Variants in NCAM2 observed in about 807,000 individuals in gnomAD.
The protein encoded by NCAM2 is neural cell adhesion molecule 2, also known as N-CAM-2.
NCAM2 carries 30 observed loss-of-function variants against 98.1 expected under a neutral mutation model. The ratio of observed to expected loss-of-function variants is 0.31; its 90% CI spans 0.23 to 0.41. NCAM2 has a LOEUF of 0.41. Among genes scored for constraint, NCAM2 ranks in the 10% least tolerant of loss-of-function variants. NCAM2 has a pLI of 1.00. For missense variants in NCAM2, 867 were observed against 1,005.8 expected (o/e 0.86, Z 1.87); for synonymous variants, 368 against 342.4 (o/e 1.07, Z -0.83).
intron 1 of NCAM2, among the ~76,000 whole-genome samples, chr21:21,184,122 A>G (rs574857189): frequency 6.6e-6 from 1 of 152,020 alleles, no homozygotes; most frequent in African/African-American, 2.4e-5. Context: ...GAATTTTACT[A>G]TTATTGTACA....
At chr21:21,011,458 ACCCAG>A (rs1377911234) in intron 1 of NCAM2, among the ~76,000 whole-genome samples, 1 of 151,800 alleles carries the variant, frequency 6.6e-6, no homozygotes, top group Non-Finnish European at 1.5e-5. Flanking sequence ...CCCGCCTCCC[ACCCAG>A]CTGTATAATA....
At chr21:21,192,403 ATAGAG>A (rs1173379495) in intron 1 of NCAM2, among the ~76,000 whole-genome samples, 1 of 152,140 alleles carries the variant, frequency 6.6e-6, no homozygotes, top group Non-Finnish European at 1.5e-5. Flanking sequence ...AGTAGAGTAA[ATAGAG>A]TAGATAAATA....
intron 1 of NCAM2, among the ~76,000 whole-genome samples, chr21:21,140,242 G>A (rs985397): frequency 0.42 from 64,512 of 151,990 alleles, 14,234 homozygotes; most frequent in African/African-American, 0.55. Context: ...TGAAAAATAA[G>A]TGACACTGGA....
At chr21:21,220,090 G>T (rs1255567080) in intron 1 of NCAM2, among the ~76,000 whole-genome samples, 2 of 151,942 alleles carry the variant, frequency 1.3e-5, no homozygotes, top group Non-Finnish European at 1.5e-5. Context: ...AGTAAAAAAA[G>T]TTGCAGTAAG....
Position 21,508,851 on chromosome 21 carries a change from A to G in NCAM2, c.2078A>G (p.Asp693Gly). ...TTTTTTTTTTTTTTTACTTTTTAAGACACGCTGTTTAATGGTCTTGGGCTT... is the reference window on the plus strand; with the variant it reads ...TTTTTTTTTTTTTTTACTTTTTAAGGCACGCTGTTTAATGGTCTTGGGCTT... ...SMPPKPNIIK[D>G]TLFNGLGLGA... is the part of the protein sequence containing the mutation. The change falls in exon 16 of 18, where the codon GAC (aspartate) becomes GGC (glycine). Residue 693 changes from aspartate to glycine, a missense_variant and splice_region_variant. Coordinates refer to ENST00000400546, the MANE Select transcript of NCAM2 (RefSeq NM_004540.5). 2 of 922,074 alleles carry G rather than the reference A, an allele frequency of 2.2e-6. No homozygotes were observed. The highest frequency in any genetic ancestry group is 1.4e-6 in the Non-Finnish European group (1 of 698,096). 57.1% of individuals were successfully genotyped at this position (922,074 alleles called of 1,614,324 possible). A position where few individuals can be genotyped will look rare whatever the true frequency, so the allele number is the denominator to read the frequency against.
intron 5 of NCAM2, among the ~76,000 whole-genome samples, chr21:21,323,707 G>A (rs1419480168): frequency 6.6e-6 from 1 of 152,150 alleles, no homozygotes; most frequent in Admixed American, 6.6e-5. Flanking sequence ...TAATTAGTTA[G>A]AAATTGGAGA....
Position 21,384,205 on chromosome 21 carries a change from T to A in NCAM2, c.1195+10192T>A, listed in dbSNP as rs529650694. Among the ~76,000 whole-genome samples the A allele has an allele frequency of 4.1e-4, 63 of 152,172 alleles. 1 individual carries two copies. Among genetic ancestry groups the A allele is most frequent in the Admixed American group, 3.6e-3 (55 of 15,284 alleles). On this transcript the variant is annotated intron_variant, in intron 9 of 17. Coordinates refer to ENST00000400546, the MANE Select transcript of NCAM2 (RefSeq NM_004540.5). ...CTACTCATATAGAATGAATTTCACA[T>A]AAAGCAAAAGAAAATCTTTAAGATC...
intron 1 of NCAM2, among the ~76,000 whole-genome samples, chr21:21,212,419 G>C (rs1452512110): frequency 1.3e-5 from 2 of 152,178 alleles, no homozygotes; most frequent in East Asian, 3.9e-4. Flanking sequence ...AAGGAAATGA[G>C]TGTGAGTACA....
chr21:21,316,782 G>A (rs1033177917), intron 5 of NCAM2, among the ~76,000 whole-genome samples: 10 of 151,924 alleles, frequency 6.6e-5, no homozygotes, highest in Non-Finnish European at 7.4e-5. Context: ...GACCTCAGGC[G>A]ATCTGCCTGC....
At chr21:21,104,420 A>C (rs2066304210) in intron 1 of NCAM2, among the ~76,000 whole-genome samples, 1 of 152,170 alleles carries the variant, frequency 6.6e-6, no homozygotes. Context: ...TCATGGATAG[A>C]GATGCTAACA....
Position 21,338,025 on chromosome 21 carries a change from A to C in NCAM2, c.899-364A>C, listed in dbSNP as rs563867358. Among the ~76,000 whole-genome samples, 78 of 152,166 alleles carry C rather than the reference A, an allele frequency of 5.1e-4. 1 individual carries two copies. Among genetic ancestry groups the C allele is most frequent in the Admixed American group, 3.6e-3 (55 of 15,248 alleles). On this transcript the variant is annotated intron_variant, in intron 7 of 17. Transcript: ENST00000400546. ...TATACATATATGTGCACACATATGC[A>C]CCCATATGCATGTGCCTTTAAAGGA...
chr21:21,076,277 A>G (rs1257931113), intron 1 of NCAM2, among the ~76,000 whole-genome samples: 3 of 152,120 alleles, frequency 2.0e-5, no homozygotes, highest in African/African-American at 7.2e-5. Context: ...ACATAATGAA[A>G]CTTGGTCCCT....
Position 21,534,517 on chromosome 21 carries a change from G to A in NCAM2, c.2283-20G>A. On this transcript the variant is annotated intron_variant, in intron 16 of 17. Coordinates refer to ENST00000400546, the MANE Select transcript of NCAM2 (RefSeq NM_004540.5). ...CATTTTTAAATTACACAGGTGAGAT[G>A]TTTCTCTTTATGTTTCTAGGAAAGA... 5 of 1,541,412 alleles carry A rather than the reference G, an allele frequency of 3.2e-6. No individual in the cohort carries two copies. The highest frequency in any genetic ancestry group is 4.4e-6 in the Non-Finnish European group (5 of 1,139,606).
At chr21:21,208,945 A>C (rs1029521866) in intron 1 of NCAM2, among the ~76,000 whole-genome samples, 4 of 152,152 alleles carry the variant, frequency 2.6e-5, no homozygotes, top group Middle Eastern at 3.2e-3. Context: ...TTGTATCCTT[A>C]ATAGGCAGGG....
intron 14 of NCAM2, among the ~76,000 whole-genome samples, chr21:21,473,957 A>AT (rs36108536): frequency 0.035 from 5,327 of 150,892 alleles, 298 homozygotes; most frequent in African/African-American, 0.12. Context: ...GCAAATGACC[A>AT]TTTTTTTTCA....
chr21:21,137,554 G>A (rs574446082), intron 1 of NCAM2, among the ~76,000 whole-genome samples: 44 of 152,222 alleles, frequency 2.9e-4, no homozygotes, highest in Non-Finnish European at 3.8e-4. Flanking sequence ...TGAGGCAGGC[G>A]GATCACCTGA....
intron 1 of NCAM2, among the ~76,000 whole-genome samples, chr21:21,052,140 C>A: frequency 7.1e-6 from 1 of 141,778 alleles, no homozygotes; most frequent in Non-Finnish European, 1.5e-5. Flanking sequence ...AACTCAAACT[C>A]ATGATGGCCA....
chr21:21,259,932 A>G (rs1386902134), intron 1 of NCAM2, among the ~76,000 whole-genome samples: 1 of 48,526 alleles, frequency 2.1e-5, no homozygotes, highest in East Asian at 5.8e-4. Flanking sequence ...ACACACACAC[A>G]CACACACACA....
intron 1 of NCAM2, among the ~76,000 whole-genome samples, chr21:21,214,728 T>TAC (rs2069807400): frequency 1.3e-5 from 1 of 75,966 alleles, no homozygotes; most frequent in Non-Finnish European, 3.6e-5. Flanking sequence ...ATTCCATATA[T>TAC]ATATATATAT....
Sources: allele counts gnomAD v4.1 joint callset (sites outside exome capture counted in the v4.1 genomes callset), GRCh38; gene constraint gnomAD v4.1.1; transcripts MANE v1.5; gene names NCBI Gene and HGNC (gene_info 2026-07-23, HGNC 2026-07-21).